The following GRM8 variants were observed in gnomAD, a reference collection of about 807,000 sequenced individuals.
The protein encoded by GRM8 is glutamate metabotropic receptor 8.
A neutral mutation model predicts 87.2 loss-of-function variants in GRM8; 47 were observed. The ratio of observed to expected loss-of-function variants is 0.54; its 90% confidence interval spans 0.43 to 0.69. The LOEUF (loss-of-function observed/expected upper bound fraction) is 0.69. Ranked by LOEUF, GRM8 falls within the 30% of genes least tolerant of loss-of-function variation. The probability of loss-of-function intolerance (pLI) is 0.00; values close to 1 mark genes in which losing one functional copy is unlikely to be tolerated. For synonymous variants in GRM8, 396 were observed against 404.5 expected (o/e 0.98, Z 0.25); for missense variants, 1,019 against 1,139.2 (o/e 0.89, Z 1.52).
intron 1 of GRM8, chr7:127,251,167 C>T (rs959663672): frequency 1.3e-5 from 2 of 152,108 alleles, no homozygotes; most frequent in African/African-American, 4.8e-5. Context: ...GTTTTCACCC[C>T]CGCTATCTTG....
intron 8 of GRM8, among the ~76,000 whole-genome samples, chr7:126,582,432 T>G (rs1795698799): frequency 1.3e-5 from 2 of 152,138 alleles, no homozygotes; most frequent in East Asian, 3.8e-4. Flanking sequence ...GCAACCTCTA[T>G]AACATAAAAG....
chr7:126,486,803 T>C (rs1584786206), intron 9 of GRM8, among the ~76,000 whole-genome samples: 2 of 152,114 alleles, frequency 1.3e-5, no homozygotes, highest in African/African-American at 4.8e-5. Flanking sequence ...TCAATGCTGG[T>C]TATGACTCAA....
At chr7:126,688,651 G>A (rs1377030987) in intron 7 of GRM8, among the ~76,000 whole-genome samples, 1 of 151,786 alleles carries the variant, frequency 6.6e-6, no homozygotes, top group Admixed American at 6.6e-5. Context: ...AGTATTATAG[G>A]AAATAGATAA....
intron 2 of GRM8, among the ~76,000 whole-genome samples, chr7:127,215,809 G>A (rs1046277159): frequency 6.6e-6 from 1 of 152,120 alleles, no homozygotes; most frequent in African/African-American, 2.4e-5. Flanking sequence ...AAAAGCTAGC[G>A]AGGCAGTCAT....
chr7:127,167,471 G>C (rs1793523300), intron 2 of GRM8, among the ~76,000 whole-genome samples: 1 of 151,890 alleles, frequency 6.6e-6, no homozygotes, highest in Non-Finnish European at 1.5e-5. Flanking sequence ...TTTAAGGTCT[G>C]TGGCAACCTT....
intron 2 of GRM8, among the ~76,000 whole-genome samples, chr7:127,116,477 A>G (rs1826709140): frequency 6.6e-6 from 1 of 152,202 alleles, no homozygotes; most frequent in Admixed American, 6.5e-5. Flanking sequence ...GGAACATATG[A>G]CCAAATGGAA....
At chr7:127,096,688 A>G (rs571344753) in intron 3 of GRM8, among the ~76,000 whole-genome samples, 1 of 152,312 alleles carries the variant, frequency 6.6e-6, no homozygotes, top group South Asian at 2.1e-4. Flanking sequence ...TTGGGGCACA[A>G]CATGATTAAG....
chr7:126,878,192 T>C (rs1242364716), intron 6 of GRM8, among the ~76,000 whole-genome samples: 1 of 152,210 alleles, frequency 6.6e-6, no homozygotes, highest in Non-Finnish European at 1.5e-5. Flanking sequence ...AATGAGTGAA[T>C]AGATGACTAA....
chr7:126,810,441 T>C (rs757279303), intron 6 of GRM8, among the ~76,000 whole-genome samples: 3 of 152,114 alleles, frequency 2.0e-5, no homozygotes, highest in Admixed American at 6.5e-5. Context: ...CATGACCCGG[T>C]TGCACAGACT....
At chr7:127,207,021 G>C (rs1478357885) in intron 2 of GRM8, among the ~76,000 whole-genome samples, 1 of 152,194 alleles carries the variant, frequency 6.6e-6, no homozygotes, top group East Asian at 1.9e-4. Flanking sequence ...TGTGAGGAAT[G>C]AAGGAAAAAT....
intron 8 of GRM8, among the ~76,000 whole-genome samples, chr7:126,599,811 G>C (rs1365907720): frequency 6.6e-6 from 1 of 152,134 alleles, no homozygotes; most frequent in Non-Finnish European, 1.5e-5. Flanking sequence ...TCATGAAAGA[G>C]ACATATCCTT....
At chr7:126,452,073 G>A (rs1303687186) in intron 9 of GRM8, among the ~76,000 whole-genome samples, 1 of 151,600 alleles carries the variant, frequency 6.6e-6, no homozygotes, top group Non-Finnish European at 1.5e-5. Flanking sequence ...AGAAAATGTG[G>A]CACATATACA....
chr7:126,553,439 G>A (rs995110492), intron 8 of GRM8, among the ~76,000 whole-genome samples: 6 of 152,086 alleles, frequency 3.9e-5, no homozygotes, highest in African/African-American at 1.4e-4. Context: ...AAAATGGAAT[G>A]AAATATTAAA....
intron 2 of GRM8, among the ~76,000 whole-genome samples, chr7:127,222,032 G>T (rs959217617): frequency 6.6e-6 from 1 of 152,214 alleles, no homozygotes; most frequent in African/African-American, 2.4e-5. Flanking sequence ...TTAGGGAGCA[G>T]AGAAATGCCC....
chr7:126,694,567 T>A lies in GRM8; in HGVS notation c.1357+75298A>T, dbSNP rs919630656. Among the ~76,000 whole-genome samples the A allele has an allele frequency of 2.6e-5, 4 of 152,204 alleles. No homozygotes were observed. In the East Asian group the frequency reaches 5.8e-4, roughly 22 times the overall value. ...TTTTCTTCTCTTTTTTGCAATTGAT[T>A]TGCAAAATATTCCATTAATTGCCTT... On this transcript the variant is annotated intron_variant, in intron 7 of 10. Coordinates refer to ENST00000339582, the MANE Select transcript of GRM8 (RefSeq NM_000845.3).
chr7:127,154,730 T>C (rs1303988906), intron 2 of GRM8, among the ~76,000 whole-genome samples: 8 of 152,096 alleles, frequency 5.3e-5, no homozygotes, highest in Non-Finnish European at 7.4e-5. Context: ...CCATGGACTA[T>C]AACTTTTTTT....
intron 6 of GRM8, among the ~76,000 whole-genome samples, chr7:126,901,303 A>G (rs1355612427): frequency 1.3e-5 from 2 of 152,174 alleles, no homozygotes; most frequent in African/African-American, 4.8e-5. Context: ...ACACAGTCTA[A>G]TTACCTTCCT....
At chr7:126,800,837 T>C (rs1029976571) in intron 6 of GRM8, among the ~76,000 whole-genome samples, 3 of 152,150 alleles carry the variant, frequency 2.0e-5, no homozygotes, top group African/African-American at 7.2e-5. Flanking sequence ...ATGATTAATA[T>C]GTTTAACTGA....
intron 3 of GRM8, among the ~76,000 whole-genome samples, chr7:127,014,734 A>T (rs1231106607): frequency 6.6e-6 from 1 of 152,006 alleles, no homozygotes; most frequent in African/African-American, 2.4e-5. Context: ...ATTATAGGCA[A>T]TTAAATTAGT....
Sources: gnomAD v4.1 joint callset for allele counts (sites outside exome capture counted in the v4.1 genomes callset) on GRCh38, gnomAD v4.1.1 for gene constraint, MANE v1.5 for transcripts, NCBI Gene and HGNC (gene_info 2026-07-23, HGNC 2026-07-21) for gene names.